The following NBEA variants were observed in gnomAD, a reference collection of about 807,000 sequenced individuals.
NBEA encodes lysosomal-trafficking regulator 2.
Under a neutral mutation model 343.4 loss-of-function variants are expected in NBEA, and 44 were observed. That is an observed-to-expected ratio of 0.13 (90% CI 0.10 to 0.16). The LOEUF is 0.16. Ranked by LOEUF, NBEA falls within the 10% of genes least tolerant of loss-of-function variation. The probability of loss-of-function intolerance (pLI) is 1.00; values close to 1 mark genes in which losing one functional copy is unlikely to be tolerated. For missense variants in NBEA, 2,555 were observed against 3,631.3 expected (o/e 0.70, Z 7.62); for synonymous variants, 1,175 against 1,238.7 (o/e 0.95, Z 1.08).
chr13:35,221,285 A>G (rs1007712439), intron 33 of NBEA, among the ~76,000 whole-genome samples: 1 of 151,714 alleles, frequency 6.6e-6, no homozygotes, highest in Non-Finnish European at 1.5e-5. Flanking sequence ...CCAAGGTTGC[A>G]GTGAGCTGAG....
intron 38 of NBEA, among the ~76,000 whole-genome samples, chr13:35,362,736 G>T (rs1353862638): frequency 2.6e-5 from 4 of 151,836 alleles, no homozygotes; most frequent in Non-Finnish European, 4.4e-5. Context: ...TACATAACAG[G>T]TTCAAATGAG....
intron 41 of NBEA, chr13:35,475,689 C>T (rs1267720232): frequency 6.2e-7 from 1 of 1,613,760 alleles, no homozygotes; most frequent in East Asian, 2.2e-5. Context: ...CTGCCACCAT[C>T]TTTACCACAT....
intron 31 of NBEA, among the ~76,000 whole-genome samples, chr13:35,206,064 C>T (rs1056747799): frequency 6.6e-6 from 1 of 152,054 alleles, no homozygotes; most frequent in Non-Finnish European, 1.5e-5. Context: ...TGGAGGCTTT[C>T]ACATCAATTG....
At chr13:35,472,888 CTT>C (rs1472159273) in intron 41 of NBEA, among the ~76,000 whole-genome samples, 1 of 151,986 alleles carries the variant, frequency 6.6e-6, no homozygotes, top group Non-Finnish European at 1.5e-5. Context: ...ATTAAGATCA[CTT>C]TTAATTTTCA....
At chr13:35,006,162 G>C (rs1482087893) in intron 1 of NBEA, among the ~76,000 whole-genome samples, 1 of 152,004 alleles carries the variant, frequency 6.6e-6, no homozygotes, top group Admixed American at 6.6e-5. Flanking sequence ...TTACCAAGTA[G>C]CTTTTTATTT....
chr13:35,096,821 A>G (rs1322083301), intron 10 of NBEA, among the ~76,000 whole-genome samples: 2 of 151,960 alleles, frequency 1.3e-5, no homozygotes. Context: ...AAAATGGACT[A>G]GATTGCTTAA....
Position 34,942,685 on chromosome 13 carries a change from G to C in NBEA, c.-136G>C, listed in dbSNP as rs1054133557. ...CGGGCCGGGCTGAGGCGCAGGCGGGGAGCGGGCCCGGCGCCGCGGCGCTGG... is the reference window on the plus strand; with the variant it reads ...CGGGCCGGGCTGAGGCGCAGGCGGGCAGCGGGCCCGGCGCCGCGGCGCTGG... On this transcript the variant is annotated 5_prime_UTR_variant, in exon 1 of 59. Coordinates refer to ENST00000379939, the MANE Select transcript of NBEA (RefSeq NM_001385012.1). 5.8e-5 allele frequency: 33 copies of C among 568,744 alleles called. No homozygotes were observed. The highest frequency in any genetic ancestry group is 8.0e-5 in the Non-Finnish European group (31 of 389,030). 35.2% of individuals were successfully genotyped at this position (568,744 alleles called of 1,614,324 possible). A position where few individuals can be genotyped will look rare whatever the true frequency, so the allele number is the denominator to read the frequency against.
intron 38 of NBEA, among the ~76,000 whole-genome samples, chr13:35,422,138 C>CT (rs201714340): frequency 3.9e-4 from 53 of 137,330 alleles, no homozygotes; most frequent in African/African-American, 9.0e-4. Flanking sequence ...TGCAGAGCAT[C>CT]TTTTTTTTTT....
intron 1 of NBEA, among the ~76,000 whole-genome samples, chr13:35,010,817 A>T (rs891221607): frequency 6.9e-6 from 1 of 144,696 alleles, no homozygotes; most frequent in Non-Finnish European, 1.5e-5. Flanking sequence ...AGTCCTAGCT[A>T]CTTGGAAGGC....
At chr13:35,473,514 A>G (rs1484309807) in intron 41 of NBEA, among the ~76,000 whole-genome samples, 4 of 152,198 alleles carry the variant, frequency 2.6e-5, no homozygotes, top group Non-Finnish European at 5.9e-5. Context: ...ACCTGAATTA[A>G]CTAACTTAAG....
intron 1 of NBEA, among the ~76,000 whole-genome samples, chr13:35,008,412 T>C (rs370985481): frequency 6.6e-6 from 1 of 152,182 alleles, no homozygotes; most frequent in African/African-American, 2.4e-5. Flanking sequence ...AGATTACTTA[T>C]AATGGCCTAT....
At chr13:35,040,327 T>C (rs2062603475) in intron 1 of NBEA, among the ~76,000 whole-genome samples, 1 of 152,122 alleles carries the variant, frequency 6.6e-6, no homozygotes, top group Non-Finnish European at 1.5e-5. Flanking sequence ...TGAAGTTAAA[T>C]GTGTTGCTGT....
chr13:35,574,410 C>CAAAG (rs112796740), intron 45 of NBEA, among the ~76,000 whole-genome samples: 64,664 of 142,486 alleles, frequency 0.45, 15,335 homozygotes, highest in African/African-American at 0.56. Context: ...AGAAAAAAAA[C>CAAAG]AAGGAAAGAA....
intron 47 of NBEA, among the ~76,000 whole-genome samples, chr13:35,604,800 G>A (rs1282423339): frequency 6.6e-6 from 1 of 151,854 alleles, no homozygotes; most frequent in Non-Finnish European, 1.5e-5. Context: ...ATAACTCCCT[G>A]AGGGTGCCCG....
intron 41 of NBEA, among the ~76,000 whole-genome samples, chr13:35,537,748 A>G (rs1018907618): frequency 6.6e-6 from 1 of 152,184 alleles, no homozygotes; most frequent in Non-Finnish European, 1.5e-5. Context: ...GCTCTGTGAC[A>G]GGAAACAACA....
chr13:35,437,703 A>G (rs1415152322), intron 39 of NBEA, among the ~76,000 whole-genome samples: 2 of 152,288 alleles, frequency 1.3e-5, no homozygotes, highest in Admixed American at 6.5e-5. Flanking sequence ...AATTTTATGG[A>G]CCATAGCAAT....
At chr13:34,949,273 T>C (rs951251725) in intron 1 of NBEA, among the ~76,000 whole-genome samples, 2 of 152,194 alleles carry the variant, frequency 1.3e-5, no homozygotes, top group Non-Finnish European at 2.9e-5. Flanking sequence ...TGGGAAGGCC[T>C]ATTGCTATGA....
At chr13:35,023,307 C>T (rs1309791335) in intron 1 of NBEA, among the ~76,000 whole-genome samples, 1 of 151,966 alleles carries the variant, frequency 6.6e-6, no homozygotes, top group African/African-American at 2.4e-5. Context: ...GTCAGTGTAA[C>T]TGATGGGAGA....
At chr13:35,419,295 C>G (rs755609457) in intron 38 of NBEA, among the ~76,000 whole-genome samples, 5 of 152,016 alleles carry the variant, frequency 3.3e-5, no homozygotes, top group Non-Finnish European at 7.4e-5. Flanking sequence ...GGCCCCACCT[C>G]CTGGTTCATA....
Sources: gnomAD v4.1 joint callset for allele counts (sites outside exome capture counted in the v4.1 genomes callset) on GRCh38, gnomAD v4.1.1 for gene constraint, MANE v1.5 for transcripts, NCBI Gene and HGNC (gene_info 2026-07-23, HGNC 2026-07-21) for gene names.